ZNF469: variants seen among roughly 807,000 people sequenced by gnomAD.
ZNF469 encodes the protein zinc finger protein 469.
ZNF469 carries 1 observed loss-of-function variant against 1.0 expected under a neutral mutation model. That is an observed-to-expected ratio of 1.00 (90% confidence interval 0.35 to 4.73). The LOEUF is 4.73. ZNF469 is among the 30% of genes most tolerant of loss of function. ZNF469 has a pLI of 0.16. For synonymous variants in ZNF469, 2,703 were observed against 2,363.4 expected (o/e 1.14, Z -4.17); for missense variants, 6,100 against 5,356.3 (o/e 1.14, Z -4.33).
the ZNF469 span, among the ~76,000 whole-genome samples, chr16:88,112,865 C>T: frequency 2.3e-4 from 33 of 141,944 alleles, no homozygotes; most frequent in African/African-American, 8.4e-4. Context: ...GCAAGCTCTG[C>T]CTCCCGGGTT....
the ZNF469 span, among the ~76,000 whole-genome samples, chr16:88,120,694 G>A: frequency 1.3e-5 from 2 of 152,240 alleles, no homozygotes; most frequent in Admixed American, 1.3e-4. Flanking sequence ...ACCGGGACAC[G>A]TCAGGACACG....
At chr16:88,202,088 G>A in the ZNF469 span, among the ~76,000 whole-genome samples, 4 of 152,152 alleles carry the variant, frequency 2.6e-5, no homozygotes, top group African/African-American at 9.7e-5. Context: ...CCACCCCACG[G>A]GCAGTGGCCA....
rs1906900836 is a variant in ZNF469, at chr16:88,440,182, G to C, written c.*850G>C. 7.6e-6 allele frequency: 1 copy of C among 131,572 alleles called. No individual in the cohort carries two copies. Among genetic ancestry groups the C allele is most frequent in the Non-Finnish European group, 1.7e-5 (1 of 58,446 alleles). The allele number at this position is 131,572 out of a possible 1,614,324, so 8.2% of individuals were successfully genotyped here. On this transcript the variant is annotated 3_prime_UTR_variant, in exon 3 of 3. Coordinates refer to ENST00000565624, the MANE Select transcript of ZNF469 (RefSeq NM_001367624.2). ...TTTTTGTGTTGTAATGTGAATACAG[G>C]CTTCCTTGATTTTTTTTTTTAATGG...
At position 88,428,801 on chromosome 16, in the gene ZNF469, C is replaced by G. The variant is rs1905896049; in HGVS notation, c.1331C>G (p.Thr444Arg). 2 of 1,546,858 alleles carry G rather than the reference C, an allele frequency of 1.3e-6. No individual in the cohort carries two copies. The highest frequency in any genetic ancestry group is 2.7e-5 in the African/African-American group (2 of 72,992). The change falls in exon 3 of 3, where the codon ACA (threonine) becomes AGA (arginine). Residue 444 changes from threonine (T) to arginine (R), a missense_variant. By Grantham distance (71) the Thr-to-Arg change is moderately conservative. Transcript: ENST00000565624. ...PARLPQLWDP[T>R]AAPYPTPPGG... ...AGGCTGCCCCAGCTGTGGGACCCCA[C>G]AGCAGCCCCTTACCCCACACCTCCT...
chr16:88,406,758 T>A (rs901084517), intron 1 of ZNF469, among the ~76,000 whole-genome samples: 1 of 152,156 alleles, frequency 6.6e-6, no homozygotes, highest in Non-Finnish European at 1.5e-5. Context: ...TAGAGGTGGC[T>A]TTTCTTTGCC....
the ZNF469 span, among the ~76,000 whole-genome samples, chr16:88,189,195 G>A: frequency 2.6e-5 from 4 of 152,214 alleles, no homozygotes; most frequent in Non-Finnish European, 5.9e-5. This position sits in a 1 kb window ranked among gnomAD's most constrained non-coding sequence, Gnocchi z 4.3. Flanking sequence ...CAAGTGCAGA[G>A]CTGCCACTGT....
chr16:88,112,772 CTTTTTTTTTTTTT>C, the ZNF469 span, among the ~76,000 whole-genome samples: 7 of 73,468 alleles, frequency 9.5e-5, no homozygotes, highest in African/African-American at 4.2e-4. Flanking sequence ...TGTGCAGAAG[CTTTTTTTTTTTTT>C]TTTTTTTTTT....
chr16:88,239,434 C>G, the ZNF469 span, among the ~76,000 whole-genome samples: 1 of 150,508 alleles, frequency 6.6e-6, no homozygotes, highest in East Asian at 1.9e-4. Context: ...TCAGGTGAGA[C>G]TTGGAATATG....
chr16:88,242,022 CT>C, the ZNF469 span, among the ~76,000 whole-genome samples: 11 of 152,306 alleles, frequency 7.2e-5, no homozygotes, highest in East Asian at 1.9e-3. Context: ...TTTGGCGAGA[CT>C]GTTAAAGGCT....
the ZNF469 span, among the ~76,000 whole-genome samples, chr16:88,374,688 C>T: frequency 6.6e-6 from 1 of 152,254 alleles, no homozygotes; most frequent in African/African-American, 2.4e-5. Context: ...TAACAAAGAG[C>T]TGCGTGTGCA....
chr16:88,152,658 C>T, the ZNF469 span, among the ~76,000 whole-genome samples: 42 of 152,016 alleles, frequency 2.8e-4, 1 homozygote, highest in Admixed American at 2.7e-3. This position sits in a 1 kb window ranked among gnomAD's most constrained non-coding sequence, Gnocchi z 4.2. Flanking sequence ...TTGCCCCTAC[C>T]TGGGCCTCTG....
At position 88,433,205 on chromosome 16, in the gene ZNF469, T is replaced by A. The variant is rs1432263581; in HGVS notation, c.5735T>A (p.Val1912Glu). The A allele has an allele frequency of 3.2e-6, 5 of 1,549,474 alleles. No individual in the cohort carries two copies. In the East Asian group the frequency reaches 1.2e-4, roughly 38 times the overall value. ...CAGCTCCAGCTCCCAGGGCCTGGAGTGGCTAAGAGTAAAGATGGCATCCTG... is the reference window on the plus strand; with the variant it reads ...CAGCTCCAGCTCCCAGGGCCTGGAGAGGCTAAGAGTAAAGATGGCATCCTG... Reference protein sequence around the residue: ...IRQLQLPGPGVAKSKDGILGL... With the variant: ...IRQLQLPGPGEAKSKDGILGL... The change falls in exon 3 of 3, where the codon GTG (valine) becomes GAG (glutamate). Residue 1912 changes from valine (V) to glutamate (E), a missense_variant. Physicochemically the swap from Val to Glu is moderately radical, Grantham distance 121. Coordinates refer to ENST00000565624, the MANE Select transcript of ZNF469 (RefSeq NM_001367624.2).
the ZNF469 span, among the ~76,000 whole-genome samples, chr16:88,164,030 T>C: frequency 6.6e-6 from 1 of 150,870 alleles, no homozygotes; most frequent in African/African-American, 2.4e-5. Flanking sequence ...GATGAATGGA[T>C]GGATGGATGA....
In ZNF469 at chr16:88,435,946, G is replaced by A; in HGVS notation, c.8476G>A (p.Asp2826Asn). 4 of 1,550,078 alleles carry A rather than the reference G, an allele frequency of 2.6e-6. No homozygotes were observed. Among genetic ancestry groups the A allele is most frequent in the Non-Finnish European group, 3.5e-6 (4 of 1,146,984 alleles). Reference sequence around the variant, plus strand: ...CCTCCAGGGCCTCCCGGACAACCCAGACACCCAGGGTGGAGTCCAGGGGCC... The same window carrying A: ...CCTCCAGGGCCTCCCGGACAACCCAAACACCCAGGGTGGAGTCCAGGGGCC... ...SCLQGLPDNP[D>N]TQGGVQGPEG... The change falls in exon 3 of 3, where the codon GAC becomes AAC. Residue 2826 changes from aspartate to asparagine, a missense_variant. Transcript: ENST00000565624.
At chr16:88,153,192 G>A in the ZNF469 span, among the ~76,000 whole-genome samples, 5 of 152,314 alleles carry the variant, frequency 3.3e-5, no homozygotes, top group East Asian at 1.9e-4. Flanking sequence ...TCTGCACTCC[G>A]GGAACCCAGG....
At position 88,434,028 on chromosome 16, in the gene ZNF469, TACTGGG is replaced by T. The variant is rs1216057856; in HGVS notation, c.6559_6564del (p.Thr2187_Gly2188del). 3 of 1,550,260 alleles carry T rather than the reference TACTGGG, an allele frequency of 1.9e-6. No individual in the cohort carries two copies. The highest frequency in any genetic ancestry group is 2.6e-6 in the Non-Finnish European group (3 of 1,146,890). On this transcript the variant is annotated inframe_deletion, in exon 3 of 3. Coordinates refer to ENST00000565624, the MANE Select transcript of ZNF469 (RefSeq NM_001367624.2). ...CAGATGGCGTCCAAGCCACGACAGA[TACTGGG>T]GCTGAGGATTCCCCGGTGGCTCCCC...
chr16:88,348,361 A>G, the ZNF469 span, among the ~76,000 whole-genome samples: 1 of 152,050 alleles, frequency 6.6e-6, no homozygotes, highest in Admixed American at 6.5e-5. Flanking sequence ...GACACCCATC[A>G]TAAGATTCAG....
the ZNF469 span, among the ~76,000 whole-genome samples, chr16:88,281,966 C>T: frequency 2.6e-5 from 4 of 152,264 alleles, no homozygotes; most frequent in Middle Eastern, 3.4e-3. Flanking sequence ...ATGTTGAGCA[C>T]GAGTTCATAT....
chr16:88,382,582 C>T (rs1467562533), upstream of ZNF469, among the ~76,000 whole-genome samples: 1 of 152,224 alleles, frequency 6.6e-6, no homozygotes, highest in African/African-American at 2.4e-5. Context: ...GTGCCAGGTG[C>T]CAGTCGGGAC....
Sources: gnomAD v4.1 joint callset for allele counts (sites outside exome capture counted in the v4.1 genomes callset) on GRCh38, gnomAD v4.1.1 for gene constraint, Gnocchi (gnomAD v3.1) non-coding constraint, MANE v1.5 for transcripts, NCBI Gene and HGNC (gene_info 2026-07-23, HGNC 2026-07-21) for gene names.